The following MTFR1 variants were observed in gnomAD, a reference collection of about 807,000 sequenced individuals.
The protein encoded by MTFR1 is chondrocyte protein with a poly-proline region.
A neutral mutation model predicts 38.8 loss-of-function variants in MTFR1; 28 were observed. The ratio of observed to expected loss-of-function variants is 0.72; its 90% confidence interval spans 0.53 to 0.99. The LOEUF is 0.99. Ranked by LOEUF, MTFR1 falls within the 50% of genes least tolerant of loss-of-function variation. The pLI, the probability that MTFR1 is intolerant of heterozygous loss-of-function variation, is 0.00. For missense variants in MTFR1, 358 were observed against 395.5 expected, an observed-to-expected ratio of 0.91 and a Z score of 0.81; for synonymous variants, 145 against 137.0, an observed-to-expected ratio of 1.06 and a Z score of -0.41.
At chr8:65,739,554 A>G in intron 3 of MTFR1, 1 of 1,565,010 alleles carries the variant, frequency 6.4e-7, no homozygotes, top group South Asian at 1.3e-5. Context: ...CAATTAATCC[A>G]TGAAGACTAA....
At chr8:65,743,755 C>T (rs1220839133) in intron 3 of MTFR1, among the ~76,000 whole-genome samples, 2 of 151,996 alleles carry the variant, frequency 1.3e-5, no homozygotes, top group Non-Finnish European at 2.9e-5. Context: ...TTTCAAAGTA[C>T]AGCAGTGATT....
chr8:65,728,288 A>T (rs1400784261), intron 3 of MTFR1: 1 of 152,170 alleles, frequency 6.6e-6, no homozygotes, highest in Non-Finnish European at 1.5e-5. Context: ...CAACAAAGAT[A>T]AAAACTGAAA....
At position 65,735,070 on chromosome 8, in the gene MTFR1, A is replaced by G. The variant is rs552816779; in HGVS notation, c.*48+15589A>G. 1.7e-4 allele frequency among the ~76,000 whole-genome samples: 26 copies of G among 152,316 alleles called. 1 individual carries two copies. In the South Asian group the frequency reaches 1.9e-3, roughly 11 times the overall value. Reference sequence around the variant, plus strand: ...ACTCACATGTATACCAAAAGAATCAATATCAATTTGACTCTCTATGCTATC... The same window carrying G: ...ACTCACATGTATACCAAAAGAATCAGTATCAATTTGACTCTCTATGCTATC... On this transcript the variant is annotated intron_variant, in intron 3 of 3. Coordinates refer to the MTFR1 transcript ENST00000521247.
At chr8:65,715,875 C>T (rs1436018013) in intron 2 of MTFR1, among the ~76,000 whole-genome samples, 10 of 149,978 alleles carry the variant, frequency 6.7e-5, no homozygotes, top group East Asian at 2.0e-4. Flanking sequence ...GTAGTCCCAG[C>T]GACCTGGGAG....
At chr8:65,691,980 T>C (rs1805295160) in intron 3 of MTFR1, among the ~76,000 whole-genome samples, 1 of 152,226 alleles carries the variant, frequency 6.6e-6, no homozygotes. Flanking sequence ...TGATATATTT[T>C]GTGTTTAAGG....
chr8:65,731,695 T>C lies in MTFR1; in HGVS notation c.*48+12214T>C, dbSNP rs1359028694. On this transcript the variant is annotated intron_variant, in intron 3 of 3. Coordinates refer to the MTFR1 transcript ENST00000521247. ...ATGCATATATAGAGAGATGAGTTTG[T>C]CTCCAAAATTTCCAGTAATTTCTTT... The C allele has an allele frequency of 5.9e-5, 9 of 152,176 alleles. No homozygotes were observed. In the East Asian group the frequency reaches 1.7e-3, roughly 29 times the overall value. 9.4% of individuals were successfully genotyped at this position (152,176 alleles called of 1,614,324 possible). A position where few individuals can be genotyped will look rare whatever the true frequency, so the allele number is the denominator to read the frequency against.
At chr8:65,649,515 C>T (rs1049235947) in intron 1 of MTFR1, among the ~76,000 whole-genome samples, 12 of 151,936 alleles carry the variant, frequency 7.9e-5, no homozygotes, top group Admixed American at 7.9e-4. Flanking sequence ...TTTGTGGGTA[C>T]ATAATAGGTA....
intron 5 of MTFR1, among the ~76,000 whole-genome samples, chr8:65,705,939 T>C (rs1331003171): frequency 3.3e-5 from 5 of 152,176 alleles, no homozygotes; most frequent in Admixed American, 3.3e-4. Flanking sequence ...TATTGGCAAG[T>C]AGTGGTTATT....
At chr8:65,650,211 T>A (rs1460871188) in intron 1 of MTFR1, among the ~76,000 whole-genome samples, 1 of 71,616 alleles carries the variant, frequency 1.4e-5, no homozygotes, top group African/African-American at 2.0e-4. Context: ...CCTTATACTC[T>A]TTTTTTTTTT....
intron 3 of MTFR1, among the ~76,000 whole-genome samples, chr8:65,747,410 C>T (rs184139379): frequency 4.1e-4 from 63 of 152,152 alleles, no homozygotes; most frequent in African/African-American, 1.4e-3. Context: ...CTCCTTGTTA[C>T]GTAATGTTAT....
chr8:65,686,392 T>G (rs192764076), intron 3 of MTFR1, among the ~76,000 whole-genome samples: 11 of 151,442 alleles, frequency 7.3e-5, no homozygotes, highest in African/African-American at 2.4e-4. Context: ...GCCAATGTGG[T>G]GAAACCCCGT....
chr8:65,705,021 G>C, intron 5 of MTFR1, 92 bp downstream of exon 5: 1 of 1,137,550 alleles, frequency 8.8e-7, no homozygotes, highest in Non-Finnish European at 1.3e-6. Flanking sequence ...ACAGCTATTG[G>C]GGTTCTTAGA....
intron 1 of MTFR1, among the ~76,000 whole-genome samples, chr8:65,649,984 G>A (rs914824116): frequency 1.3e-5 from 2 of 151,856 alleles, no homozygotes; most frequent in Non-Finnish European, 2.9e-5. Flanking sequence ...GGTTACAGGC[G>A]CCCACCACCA....
chr8:65,772,009 G>A (rs16932340), downstream of MTFR1, among the ~76,000 whole-genome samples: 3,581 of 152,066 alleles, frequency 0.024, 64 homozygotes, highest in African/African-American at 0.055. Flanking sequence ...CTGGTTCAAG[G>A]AGAATAAGAG....
chr8:65,663,853 C>T (rs1804293174), intron 1 of MTFR1, among the ~76,000 whole-genome samples: 1 of 141,112 alleles, frequency 7.1e-6, no homozygotes, highest in South Asian at 2.3e-4. Flanking sequence ...GAGACGGAGC[C>T]TCACTCTGTC....
chr8:65,728,505 T>C (rs1806700008), intron 3 of MTFR1: 1 of 152,182 alleles, frequency 6.6e-6, no homozygotes, highest in Non-Finnish European at 1.5e-5. Context: ...CGCATATAAT[T>C]AGTACACGGA....
intron 3 of MTFR1, among the ~76,000 whole-genome samples, chr8:65,729,371 T>A (rs1806744401): frequency 1.3e-5 from 2 of 148,646 alleles, no homozygotes; most frequent in African/African-American, 4.9e-5. Flanking sequence ...TAGCTTTTTT[T>A]TTTTTTTTTT....
chr8:65,647,570 A>C (rs1258877517), intron 1 of MTFR1, among the ~76,000 whole-genome samples: 1 of 152,154 alleles, frequency 6.6e-6, no homozygotes, highest in Non-Finnish European at 1.5e-5. Context: ...TCAGCCTCCT[A>C]AAGTGCTGGG....
intron 4 of MTFR1, among the ~76,000 whole-genome samples, chr8:65,700,338 G>A (rs1262508143): frequency 2.2e-5 from 3 of 136,150 alleles, no homozygotes; most frequent in African/African-American, 5.5e-5. Context: ...GCAATGGATC[G>A]AGACCTATCT....
Sources: gnomAD v4.1 joint callset for allele counts (sites outside exome capture counted in the v4.1 genomes callset) on GRCh38, gnomAD v4.1.1 for gene constraint, MANE v1.5 for transcripts, NCBI Gene and HGNC (gene_info 2026-07-23, HGNC 2026-07-21) for gene names.